EFHD1: variants seen among roughly 807,000 people sequenced by gnomAD.
The protein encoded by EFHD1 is EF-hand domain family member D1, also known as EF-hand domain-containing protein D1.
EFHD1 carries 10 observed loss-of-function variants against 17.2 expected under a neutral mutation model. The ratio of observed to expected loss-of-function variants is 0.58; its 90% CI spans 0.36 to 0.99. The LOEUF is 0.99. Ranked by LOEUF, EFHD1 falls within the 50% of genes least tolerant of loss-of-function variation. The pLI, the probability that EFHD1 is intolerant of heterozygous loss-of-function variation, is 0.01. For synonymous variants in EFHD1, 153 were observed against 142.0 expected (o/e 1.08, Z -0.55); for missense variants, 310 against 327.5 (o/e 0.95, Z 0.41).
At chr2:232,681,189 AAAT>A (rs1200692187) in intron 3 of EFHD1, among the ~76,000 whole-genome samples, 4 of 152,156 alleles carry the variant, frequency 2.6e-5, no homozygotes, top group African/African-American at 9.7e-5. Context: ...AAAATAAAAA[AAAT>A]AAATCCCATC....
intron 1 of EFHD1, among the ~76,000 whole-genome samples, chr2:232,654,650 G>A (rs1269437569): frequency 3.3e-5 from 5 of 151,986 alleles, no homozygotes; most frequent in African/African-American, 1.2e-4. Context: ...CTGGTCTTGA[G>A]CTCCTGACCT....
At chr2:232,607,147 A>G (rs905447595) in intron 1 of EFHD1, among the ~76,000 whole-genome samples, 1 of 151,934 alleles carries the variant, frequency 6.6e-6, no homozygotes, top group African/African-American at 2.4e-5. Context: ...CCAGGCCACC[A>G]CGTCTGGCCC....
intron 1 of EFHD1, among the ~76,000 whole-genome samples, chr2:232,657,974 C>A (rs915173953): frequency 8.0e-5 from 11 of 137,974 alleles, no homozygotes; most frequent in Admixed American, 2.3e-4. Context: ...GATCTCGGCT[C>A]ACTGCAACCT....
rs191722258 is a variant in EFHD1, at chr2:232,639,193, G to A, written c.302+5187G>A. ...CCACCATCCTTGTTACAGAGCCATC[G>A]AATTTTATGAGAATTTGAATAATGG... is the stretch of plus-strand genomic sequence containing the variant. On this transcript the variant is annotated intron_variant, in intron 1 of 3. Coordinates refer to ENST00000264059, the MANE Select transcript of EFHD1 (RefSeq NM_025202.4). 1.4e-3 allele frequency among the ~76,000 whole-genome samples: 213 copies of A among 152,162 alleles called. 2 individuals carry two copies. Among genetic ancestry groups the A allele is most frequent in the Admixed American group, 0.01 (154 of 15,274 alleles).
At chr2:232,625,397 C>G (rs973412724) in intron 1 of EFHD1, among the ~76,000 whole-genome samples, 1 of 151,902 alleles carries the variant, frequency 6.6e-6, no homozygotes, top group African/African-American at 2.4e-5. Context: ...ACATTGGCCT[C>G]CCAAAGTGCA....
intron 1 of EFHD1, among the ~76,000 whole-genome samples, chr2:232,651,576 C>A (rs551741071): frequency 6.6e-6 from 1 of 152,358 alleles, no homozygotes; most frequent in African/African-American, 2.4e-5. Context: ...TCCCAGTTTC[C>A]TTCAGCCACA....
rs1194396166 is a variant in EFHD1 at position 232,657,899 on chromosome 2, C to CTT, written c.303-4885_303-4884dup. ...AGGACCTTGCATTTTTCTTTCTTTT[C>CTT]TTTTTTTTTTTTTTTTTTTGAGACT... is the stretch of plus-strand genomic sequence containing the variant. On this transcript the variant is annotated intron_variant, in intron 1 of 3. Transcript: ENST00000264059. 5.5e-3 allele frequency among the ~76,000 whole-genome samples: 551 copies of CTT among 100,638 alleles called. 26 individuals carry two copies. The highest frequency in any genetic ancestry group is 0.012 in the Admixed American group (96 of 7,976). The allele number at this position is 100,638 out of a possible 152,430, so 66.0% of individuals were successfully genotyped here. A position where few individuals can be genotyped will look rare whatever the true frequency, so the allele number is the denominator to read the frequency against.
intron 1 of EFHD1, among the ~76,000 whole-genome samples, chr2:232,642,104 G>T (rs1346986508): frequency 1.3e-5 from 2 of 152,152 alleles, no homozygotes. Flanking sequence ...GACAAATGAG[G>T]CCGGGAGTGG....
chr2:232,637,835 A>G (rs1694346435), intron 1 of EFHD1, among the ~76,000 whole-genome samples: 2 of 152,146 alleles, frequency 1.3e-5, no homozygotes, highest in South Asian at 4.1e-4. Context: ...CCTATTTAAA[A>G]GTATTTGGCT....
chr2:232,658,091 C>T (rs1452827760), intron 1 of EFHD1, among the ~76,000 whole-genome samples: 7 of 151,420 alleles, frequency 4.6e-5, no homozygotes, highest in South Asian at 2.1e-4. Context: ...TTAGTAGAGA[C>T]GGGGTTTCAC....
intron 1 of EFHD1, among the ~76,000 whole-genome samples, chr2:232,657,988 C>A (rs1409060294): frequency 6.9e-6 from 1 of 144,696 alleles, no homozygotes; most frequent in Non-Finnish European, 1.5e-5. Flanking sequence ...GCAACCTCTG[C>A]CTCCCAGGTT....
chr2:232,671,009 G>A (rs182057837), intron 2 of EFHD1, among the ~76,000 whole-genome samples: 164 of 152,248 alleles, frequency 1.1e-3, no homozygotes, highest in African/African-American at 3.9e-3. Flanking sequence ...TGTAAACTAG[G>A]ATGCTGCTAA....
chr2:232,621,117 G>C (rs1199563968), intron 1 of EFHD1, among the ~76,000 whole-genome samples: 1 of 152,204 alleles, frequency 6.6e-6, no homozygotes. Context: ...GCTCCCTGCT[G>C]TTTCCAAACC....
Position 232,680,726 on chromosome 2 carries a change from C to T in EFHD1, c.586-859C>T, listed in dbSNP as rs556228816. On this transcript the variant is annotated intron_variant, in intron 3 of 3. Coordinates refer to ENST00000264059, the MANE Select transcript of EFHD1 (RefSeq NM_025202.4). Reference sequence around the variant, plus strand: ...ATTTCACCATGTTGGCCAGGCTGGTCTCAAGCTCCTGGCCTCAGGTGATCC... The same window carrying T: ...ATTTCACCATGTTGGCCAGGCTGGTTTCAAGCTCCTGGCCTCAGGTGATCC... Among the ~76,000 whole-genome samples the T allele has an allele frequency of 2.0e-5, 3 of 152,220 alleles. No individual in the cohort carries two copies. The South Asian group carries it at 6.2e-4, about 32-fold the overall frequency.
In EFHD1 at chr2:232,623,728, G is replaced by A. The variant is rs372091845; in HGVS notation, c.14+17555G>A. On this transcript the variant is annotated intron_variant, in intron 1 of 3. Transcript: ENST00000409613. ...AGAAGAAGAAGAAGAAAGAAAGAAA[G>A]AAAAAAAAGAAATAGCTCATTCTAT... 3.6e-3 allele frequency among the ~76,000 whole-genome samples: 487 copies of A among 136,730 alleles called. 3 individuals are homozygous for A. Among genetic ancestry groups the A allele is most frequent in the African/African-American group, 0.012 (442 of 36,960 alleles). The allele number at this position is 136,730 out of a possible 152,430, so 89.7% of individuals were successfully genotyped here.
chr2:232,615,131 A>C (rs897602281), intron 1 of EFHD1, among the ~76,000 whole-genome samples: 1 of 152,112 alleles, frequency 6.6e-6, no homozygotes, highest in African/African-American at 2.4e-5. Flanking sequence ...AGGGGACTAC[A>C]TGCACCCACC....
upstream of EFHD1, chr2:232,633,409 G>C: frequency 8.5e-7 from 1 of 1,178,436 alleles, no homozygotes; most frequent in Non-Finnish European, 1.1e-6. Flanking sequence ...TCAGCCTCCC[G>C]CCCGGAGCCG....
At chr2:232,645,835 C>T (rs1574716551) in intron 1 of EFHD1, among the ~76,000 whole-genome samples, 2 of 152,336 alleles carry the variant, frequency 1.3e-5, no homozygotes, top group East Asian at 3.9e-4. Context: ...TAAAGTCACA[C>T]ACCTTGTAAG....
chr2:232,621,505 T>A (rs1694017470), intron 1 of EFHD1, among the ~76,000 whole-genome samples: 1 of 152,116 alleles, frequency 6.6e-6, no homozygotes, highest in African/African-American at 2.4e-5. Flanking sequence ...CAGGCTAGAG[T>A]GCAGTGGCGC....
Sources: allele counts gnomAD v4.1 joint callset (sites outside exome capture counted in the v4.1 genomes callset), GRCh38; gene constraint gnomAD v4.1.1; transcripts MANE v1.5; gene names NCBI Gene and HGNC (gene_info 2026-07-23, HGNC 2026-07-21).